TTC7A: variants seen among roughly 807,000 people sequenced by gnomAD.
TTC7A encodes the protein tetratricopeptide repeat domain 7A, also known as tetratricopeptide repeat protein 7A.
A neutral mutation model predicts 103.7 loss-of-function variants in TTC7A; 110 were observed. That is an observed-to-expected ratio of 1.06 (90% confidence interval 0.91 to 1.24). TTC7A has a LOEUF of 1.24. Ranked by LOEUF, TTC7A falls within the 50% of genes most tolerant of loss-of-function variation. TTC7A has a pLI of 0.00. For missense variants in TTC7A, 1,340 were observed against 1,116.3 expected (o/e 1.20, Z -2.86); for synonymous variants, 521 against 467.9 (o/e 1.11, Z -1.47).
intron 5 of TTC7A, among the ~76,000 whole-genome samples, chr2:46,992,292 G>A (rs1558548051): frequency 6.6e-6 from 1 of 152,212 alleles, no homozygotes; most frequent in Non-Finnish European, 1.5e-5. Flanking sequence ...CACAGTGTGC[G>A]AGGGTCAGAC....
chr2:47,020,100 C>T (rs550824856), intron 11 of TTC7A, among the ~76,000 whole-genome samples: 6 of 152,002 alleles, frequency 3.9e-5, no homozygotes, highest in South Asian at 2.1e-4. Flanking sequence ...TCAGCTCCTC[C>T]GCCAGGCCTA....
chr2:47,073,804 G>A lies in TTC7A; in HGVS notation c.2458G>A (p.Gly820Ser). The change falls in exon 20 of 20, where the codon GGC (glycine) becomes AGC (serine). Residue 820 changes from glycine to serine, a missense_variant. Gly to Ser is a moderately conservative substitution (Grantham distance 56). Transcript: ENST00000319190. ...STCHEAWQGL[G>S]EVLQAQGQNE... ...GTGCCACGAGGCGTGGCAGGGCCTG[G>A]GCGAGGTGCTGCAGGCCCAGGGCCA... The A allele has an allele frequency of 6.2e-7, 1 of 1,613,738 alleles. No individual in the cohort carries two copies. The highest frequency in any genetic ancestry group is 8.5e-7 in the Non-Finnish European group (1 of 1,179,994).
chr2:47,052,918 G>A (rs1035699884), intron 18 of TTC7A, among the ~76,000 whole-genome samples: 4 of 152,152 alleles, frequency 2.6e-5, no homozygotes, highest in African/African-American at 9.7e-5. Flanking sequence ...ACCGAAAGTT[G>A]ATGATCTCTT....
chr2:47,022,152 C>G (rs969951434), intron 12 of TTC7A, among the ~76,000 whole-genome samples, 173 bp downstream of exon 12: 2 of 152,204 alleles, frequency 1.3e-5, no homozygotes, highest in Non-Finnish European at 2.9e-5. Flanking sequence ...TGCATACACA[C>G]ACGCGCCCCT....
chr2:46,972,328 T>C (rs956890782), intron 3 of TTC7A, among the ~76,000 whole-genome samples: 1 of 152,244 alleles, frequency 6.6e-6, no homozygotes. Flanking sequence ...CTTTTTGTTT[T>C]TGGCCTTGAA....
intron 5 of TTC7A, among the ~76,000 whole-genome samples, chr2:46,984,167 T>A (rs955279302): frequency 6.6e-6 from 1 of 152,194 alleles, no homozygotes; most frequent in African/African-American, 2.4e-5. Context: ...AGAGCCAGGA[T>A]TCTGTGCACA....
At chr2:47,062,196 C>T (rs573552380) in intron 19 of TTC7A, among the ~76,000 whole-genome samples, 1 of 152,262 alleles carries the variant, frequency 6.6e-6, no homozygotes, top group African/African-American at 2.4e-5. Context: ...AGAGTGTTGC[C>T]GAGAGAATGC....
chr2:47,018,846 A>T (rs1166180381), intron 11 of TTC7A, among the ~76,000 whole-genome samples: 1 of 152,148 alleles, frequency 6.6e-6, no homozygotes, highest in Admixed American at 6.5e-5. Context: ...AGGAAGCACA[A>T]CAAAACAAAG....
chr2:47,029,263 G>C lies in TTC7A; in HGVS notation c.1681G>C (p.Val561Leu). Residue 561 changes from valine (V) to leucine (L), a missense_variant, in exon 15 of 20, where the codon GTA becomes CTA. Transcript: ENST00000319190. Reference sequence around the variant, plus strand: ...GGAGCAGCTGCAGGAGGCCCTGAAGGTACGCAAGGATGATGCCCACGCCCT... The same window carrying C: ...GGAGCAGCTGCAGGAGGCCCTGAAGCTACGCAAGGATGATGCCCACGCCCT... ...AMEQLQEALK[V>L]RKDDAHALHL... 1 of 1,614,008 alleles carries C rather than the reference G, an allele frequency of 6.2e-7. No homozygotes were observed.
rs543413046 is a variant in TTC7A at position 47,060,649 on chromosome 2, T to A, written c.2153-120T>A. 54 of 871,442 alleles carry A rather than the reference T, an allele frequency of 6.2e-5. 2 individuals carry two copies. The South Asian group carries it at 8.6e-4, about 14-fold the overall frequency. The allele number at this position is 871,442 out of a possible 1,614,324, so 54.0% of individuals were successfully genotyped here. On this transcript the variant is annotated intron_variant, in intron 18 of 19. Transcript: ENST00000319190. ...TAGTCAGTGTGTCCCATGCTGTGATTTGGTGGGATAGAGTTTGTCACCTAA... is the reference window on the plus strand; with the variant it reads ...TAGTCAGTGTGTCCCATGCTGTGATATGGTGGGATAGAGTTTGTCACCTAA...
At chr2:46,968,660 G>A (rs561757687) in intron 3 of TTC7A, among the ~76,000 whole-genome samples, 6 of 152,220 alleles carry the variant, frequency 3.9e-5, no homozygotes, top group South Asian at 2.1e-4. Flanking sequence ...ATAGAGGACC[G>A]CCTCCGTGAA....
chr2:46,977,123 G>A (rs1453244852), intron 4 of TTC7A, among the ~76,000 whole-genome samples: 3 of 152,202 alleles, frequency 2.0e-5, no homozygotes, highest in Non-Finnish European at 2.9e-5. Flanking sequence ...AGGGGATTAA[G>A]GCGATGAGCT....
chr2:47,051,794 T>C lies in TTC7A; in HGVS notation c.2066T>C (p.Met689Thr). The C allele has an allele frequency of 3.1e-6, 5 of 1,611,696 alleles. No individual in the cohort carries two copies. The South Asian group carries it at 3.3e-5, about 11-fold the overall frequency. Reference protein sequence around the residue: ...SIAASRLEEAMSELTMPSSVL... With the variant: ...SIAASRLEEATSELTMPSSVL... ...GCCGCCTCCCGGCTGGAGGAGGCCA[T>C]GTCAGAGCTGACTATGCCCTCTTCG... Residue 689 changes from methionine (M) to threonine (T), a missense_variant, in exon 18 of 20, where the codon ATG (methionine) becomes ACG (threonine). Met to Thr is a moderately conservative substitution (Grantham distance 81, BLOSUM62 -1). Coordinates refer to ENST00000319190, the MANE Select transcript of TTC7A (RefSeq NM_020458.4).
chr2:46,916,197 C>T, exon 1 of TTC7A: 1 of 978,708 alleles, frequency 1.0e-6, no homozygotes. Context: ...TTGGTTCGTC[C>T]TGCTGCAAGT....
At chr2:46,991,810 C>T (rs1157326390) in intron 5 of TTC7A, among the ~76,000 whole-genome samples, 1 of 152,286 alleles carries the variant, frequency 6.6e-6, no homozygotes, top group Non-Finnish European at 1.5e-5. Context: ...GGTTCCCTGT[C>T]CTGCTTGCCA....
chr2:47,056,580 T>TGGCAG (rs1683336720), intron 18 of TTC7A, among the ~76,000 whole-genome samples: 1 of 152,232 alleles, frequency 6.6e-6, no homozygotes, highest in South Asian at 2.1e-4. Context: ...GCCTCGGCTT[T>TGGCAG]GGCAGGAAGA....
At chr2:47,044,273 C>T (rs1243860928) in intron 15 of TTC7A, among the ~76,000 whole-genome samples, 3 of 152,236 alleles carry the variant, frequency 2.0e-5, no homozygotes, top group African/African-American at 4.8e-5. Flanking sequence ...AAAAATTCAG[C>T]CCTTGATTCT....
intron 1 of TTC7A, among the ~76,000 whole-genome samples, chr2:46,944,557 C>T (rs771214258): frequency 6.6e-6 from 1 of 151,970 alleles, no homozygotes; most frequent in Non-Finnish European, 1.5e-5. Flanking sequence ...TCTCTACCCC[C>T]TACTCCCCTA....
At chr2:47,059,421 A>C (rs1444251047) in intron 18 of TTC7A, among the ~76,000 whole-genome samples, 1 of 152,162 alleles carries the variant, frequency 6.6e-6, no homozygotes, top group Non-Finnish European at 1.5e-5. Context: ...GGCTTGGCCC[A>C]TCAGCTCTCC....
Sources: gnomAD v4.1 joint callset for allele counts (sites outside exome capture counted in the v4.1 genomes callset) on GRCh38, gnomAD v4.1.1 for gene constraint, MANE v1.5 for transcripts, NCBI Gene and HGNC (gene_info 2026-07-23, HGNC 2026-07-21) for gene names.